Variants in NAALADL2 observed in about 807,000 individuals in gnomAD.
The protein encoded by NAALADL2 is N-acetylated alpha-linked acidic dipeptidase like 2.
In NAALADL2, 76 loss-of-function variants were observed where a neutral mutation model predicts 87.2. The observed-to-expected ratio is 0.87, with a 90% CI of 0.72 to 1.05. NAALADL2 has a LOEUF of 1.05. Among genes scored for constraint, NAALADL2 ranks in the 50% least tolerant of loss-of-function variants. The pLI, the probability that NAALADL2 is intolerant of heterozygous loss-of-function variation, is 0.00. For missense variants in NAALADL2, 1,089 were observed against 945.8 expected (o/e 1.15, Z -1.99); for synonymous variants, 354 against 331.0 (o/e 1.07, Z -0.75).
intron 2 of NAALADL2, among the ~76,000 whole-genome samples, chr3:174,609,979 G>A (rs1002957219): frequency 1.3e-5 from 2 of 152,014 alleles, no homozygotes; most frequent in African/African-American, 4.8e-5. Flanking sequence ...TAGATCAATG[G>A]AACAGAACAG....
At chr3:175,779,923 A>G (rs1012110132) in intron 13 of NAALADL2, among the ~76,000 whole-genome samples, 1 of 152,098 alleles carries the variant, frequency 6.6e-6, no homozygotes, top group Non-Finnish European at 1.5e-5. Context: ...TATAATTAGC[A>G]GCTTACTGTT....
intron 2 of NAALADL2, among the ~76,000 whole-genome samples, chr3:175,165,863 C>A (rs1047856418): frequency 6.6e-6 from 1 of 152,026 alleles, no homozygotes; most frequent in East Asian, 1.9e-4. Flanking sequence ...CCTCCCAGTG[C>A]CCTTCACTCT....
chr3:175,525,328 G>A (rs1305041748), intron 9 of NAALADL2, among the ~76,000 whole-genome samples: 3 of 151,998 alleles, frequency 2.0e-5, no homozygotes, highest in African/African-American at 7.2e-5. Context: ...GGGTAAAACC[G>A]AAGTATTTTA....
chr3:174,676,704 G>A (rs1354651192), intron 2 of NAALADL2, among the ~76,000 whole-genome samples: 1 of 151,712 alleles, frequency 6.6e-6, no homozygotes, highest in East Asian at 1.9e-4. Flanking sequence ...GTTCTTTAAT[G>A]ATATTAGTAT....
intron 2 of NAALADL2, among the ~76,000 whole-genome samples, chr3:175,127,048 A>G (rs941333770): frequency 1.3e-5 from 2 of 152,174 alleles, no homozygotes; most frequent in East Asian, 3.9e-4. Flanking sequence ...CTGAGGAACC[A>G]GGGCCATTGC....
intron 1 of NAALADL2, among the ~76,000 whole-genome samples, chr3:174,874,334 C>T (rs1027107682): frequency 6.6e-6 from 1 of 152,210 alleles, no homozygotes; most frequent in Non-Finnish European, 1.5e-5. Flanking sequence ...TTCTTGACTA[C>T]AGTCTCCCCT....
chr3:175,685,449 GGTGTGTGT>G (rs59449046), intron 11 of NAALADL2, among the ~76,000 whole-genome samples: 8,753 of 144,650 alleles, frequency 0.061, 322 homozygotes, highest in Middle Eastern at 0.12. Context: ...ACCAACAGGA[GGTGTGTGT>G]GTGTGTGTGT....
intron 2 of NAALADL2, among the ~76,000 whole-genome samples, chr3:174,734,518 A>C (rs1733002646): frequency 6.6e-6 from 1 of 152,140 alleles, no homozygotes; most frequent in African/African-American, 2.4e-5. Flanking sequence ...CTTACATGGC[A>C]GAGAGAGAGT....
chr3:175,025,897 C>T (rs961750213), intron 1 of NAALADL2, among the ~76,000 whole-genome samples: 5 of 152,116 alleles, frequency 3.3e-5, no homozygotes, highest in Non-Finnish European at 5.9e-5. Context: ...GCAGCCTCCA[C>T]CTCTCAGGCT....
chr3:175,738,951 T>A (rs1345617541), intron 12 of NAALADL2, among the ~76,000 whole-genome samples: 1 of 152,196 alleles, frequency 6.6e-6, no homozygotes, highest in East Asian at 1.9e-4. Flanking sequence ...TTTTATTTAT[T>A]CTGTAAACTG....
chr3:175,260,494 G>C (rs985743217), intron 4 of NAALADL2, among the ~76,000 whole-genome samples: 2 of 152,142 alleles, frequency 1.3e-5, no homozygotes, highest in Admixed American at 1.3e-4. Context: ...ATTAAACATA[G>C]TTATGCAGCA....
intron 3 of NAALADL2, among the ~76,000 whole-genome samples, chr3:174,771,517 A>C (rs1578862354): frequency 6.6e-6 from 1 of 152,312 alleles, no homozygotes; most frequent in African/African-American, 2.4e-5. Context: ...GTAGAGAGAC[A>C]CTGGGTATTG....
intron 1 of NAALADL2, among the ~76,000 whole-genome samples, chr3:174,979,075 A>C (rs952157923): frequency 1.1e-4 from 17 of 152,124 alleles, no homozygotes; most frequent in Admixed American, 1.1e-3. Context: ...CATAAAAGAA[A>C]AGGAAAGCTT....
At chr3:175,645,293 A>G (rs772764612) in intron 11 of NAALADL2, among the ~76,000 whole-genome samples, 3 of 152,122 alleles carry the variant, frequency 2.0e-5, no homozygotes, top group Admixed American at 6.5e-5. Context: ...TACTAAACAC[A>G]TTCTAAGTGC....
intron 2 of NAALADL2, among the ~76,000 whole-genome samples, chr3:175,199,780 G>C (rs1288619222): frequency 1.7e-5 from 2 of 117,446 alleles, no homozygotes. Context: ...CGTTAAGACA[G>C]TATCTTCTTA....
At position 174,956,720 on chromosome 3, in the gene NAALADL2, G is replaced by A. The variant is rs905649453; in HGVS notation, c.43+97270G>A. ...CAGTTCTGGAGAAGGGTGGAATGGG[G>A]AGACACAGTGAAGTTAGATCAAGAT... On this transcript the variant is annotated intron_variant, in intron 1 of 13. Coordinates refer to ENST00000454872, the MANE Select transcript of NAALADL2 (RefSeq NM_207015.3). Among the ~76,000 whole-genome samples, 4 of 152,000 alleles carry A rather than the reference G, an allele frequency of 2.6e-5. No individual in the cohort carries two copies. In the South Asian group the frequency reaches 8.3e-4, roughly 31 times the overall value.
At chr3:174,970,556 T>C (rs577917676) in intron 1 of NAALADL2, among the ~76,000 whole-genome samples, 4 of 152,348 alleles carry the variant, frequency 2.6e-5, no homozygotes, top group African/African-American at 9.6e-5. Flanking sequence ...TGCTATCCTC[T>C]ATTCATTAAT....
intron 3 of NAALADL2, among the ~76,000 whole-genome samples, chr3:174,773,914 TCTTAA>T (rs1714886236): frequency 6.6e-6 from 1 of 152,176 alleles, no homozygotes; most frequent in Admixed American, 6.5e-5. Flanking sequence ...AGCACATTTC[TCTTAA>T]CTTTGTAAAT....
chr3:175,108,693 C>G (rs1723662871), intron 2 of NAALADL2, among the ~76,000 whole-genome samples: 1 of 151,890 alleles, frequency 6.6e-6, no homozygotes, highest in South Asian at 2.1e-4. Context: ...ATTTTTGTAA[C>G]TTGATGAAAC....
Sources: allele counts gnomAD v4.1 joint callset (sites outside exome capture counted in the v4.1 genomes callset), GRCh38; gene constraint gnomAD v4.1.1; transcripts MANE v1.5; gene names NCBI Gene and HGNC (gene_info 2026-07-23, HGNC 2026-07-21).